Variants in KATNIP observed in about 807,000 individuals in gnomAD.
KATNIP encodes the protein katanin-interacting protein.
KATNIP carries 126 observed loss-of-function variants against 174.0 expected under a neutral mutation model. That is an observed-to-expected ratio of 0.72 (90% CI 0.63 to 0.84). KATNIP has a LOEUF of 0.84. KATNIP is among the 40% of genes least tolerant of loss of function. KATNIP has a pLI of 0.00. For missense variants in KATNIP, 1,958 were observed against 2,109.7 expected (o/e 0.93, Z 1.41); for synonymous variants, 810 against 835.7 (o/e 0.97, Z 0.53).
chr16:27,752,475 A>G (rs1405283626), intron 17 of KATNIP, among the ~76,000 whole-genome samples: 1 of 152,264 alleles, frequency 6.6e-6, no homozygotes, highest in African/African-American at 2.4e-5. Flanking sequence ...CCAAGGGCAC[A>G]TTGTGACAGA....
At position 27,721,716 on chromosome 16, in the gene KATNIP, C is replaced by T. The variant is rs753255315; in HGVS notation, c.1743+21C>T. On this transcript the variant is annotated intron_variant, in intron 14 of 27. Coordinates refer to ENST00000261588, the MANE Select transcript of KATNIP (RefSeq NM_015202.5). ...ATGGCGTAAGTAACAGGCGCTGGTT[C>T]CCCACTGGGCACTGGGTTGATGGAA... 4.3e-6 allele frequency: 7 copies of T among 1,611,042 alleles called. No individual in the cohort carries two copies. In the South Asian group the frequency reaches 7.7e-5, roughly 18 times the overall value.
At chr16:27,573,795 T>G in intron 1 of KATNIP, 106 bp from the exon 2 acceptor site, 1 of 1,004,968 alleles carries the variant, frequency 1.0e-6, no homozygotes, top group Admixed American at 2.0e-5. Flanking sequence ...ATCATTTGAT[T>G]ATGATTGGTC....
chr16:27,694,295 A>G (rs1481971422), intron 8 of KATNIP, among the ~76,000 whole-genome samples: 1 of 152,198 alleles, frequency 6.6e-6, no homozygotes, highest in Non-Finnish European at 1.5e-5. Context: ...GTGCTTCGAC[A>G]GGAGCCCTTA....
intron 1 of KATNIP, among the ~76,000 whole-genome samples, chr16:27,552,377 C>CT (rs1167836198): frequency 0.01 from 1,412 of 135,026 alleles, 10 homozygotes; most frequent in Middle Eastern, 0.027. Flanking sequence ...TTTCTTTTTT[C>CT]TTTTTTTTTT....
At chr16:27,685,224 TA>T (rs2142853452) in intron 8 of KATNIP, 1 of 151,908 alleles carries the variant, frequency 6.6e-6, no homozygotes, top group Non-Finnish European at 1.5e-5. Flanking sequence ...CCATCTCTAC[TA>T]AAACACACAC....
chr16:27,765,931 G>A (rs953593255), intron 19 of KATNIP, among the ~76,000 whole-genome samples: 6 of 151,746 alleles, frequency 4.0e-5, no homozygotes, highest in Admixed American at 1.3e-4. Flanking sequence ...ATCTTGGTTC[G>A]GATAGCCTTT....
chr16:27,666,110 C>T (rs2077672269), intron 6 of KATNIP, among the ~76,000 whole-genome samples: 1 of 152,184 alleles, frequency 6.6e-6, no homozygotes, highest in Admixed American at 6.5e-5. Flanking sequence ...GGCCCACAAA[C>T]CAGGAAAGCA....
At chr16:27,607,594 C>CTTTT (rs33954778) in intron 2 of KATNIP, among the ~76,000 whole-genome samples, 3 of 78,902 alleles carry the variant, frequency 3.8e-5, no homozygotes, top group Non-Finnish European at 7.2e-5. Flanking sequence ...CAGTCAGTGT[C>CTTTT]TTTTTTTTTT....
At chr16:27,694,130 A>G (rs541868722) in intron 8 of KATNIP, among the ~76,000 whole-genome samples, 1 of 152,152 alleles carries the variant, frequency 6.6e-6, no homozygotes, top group South Asian at 2.1e-4. Flanking sequence ...ATAAAAACCT[A>G]CCATCATCCC....
intron 2 of KATNIP, among the ~76,000 whole-genome samples, chr16:27,617,881 C>A (rs1005079744): frequency 6.6e-6 from 1 of 152,066 alleles, no homozygotes; most frequent in Non-Finnish European, 1.5e-5. Flanking sequence ...GGACCACAGG[C>A]ATGCACCACC....
chr16:27,614,441 G>A (rs2075984262), intron 2 of KATNIP, among the ~76,000 whole-genome samples: 2 of 152,038 alleles, frequency 1.3e-5, no homozygotes, highest in Admixed American at 6.6e-5. Flanking sequence ...GATTACAGGC[G>A]TCAGCCACCG....
intron 5 of KATNIP, among the ~76,000 whole-genome samples, chr16:27,648,160 G>T (rs1238764350): frequency 6.6e-6 from 1 of 152,068 alleles, no homozygotes; most frequent in Non-Finnish European, 1.5e-5. Flanking sequence ...CCGCGTGGTG[G>T]CAGGTGCCTG....
chr16:27,555,290 G>C (rs1313198020), intron 1 of KATNIP, among the ~76,000 whole-genome samples: 2 of 152,190 alleles, frequency 1.3e-5, no homozygotes, highest in African/African-American at 4.8e-5. Context: ...TATTCGGCAT[G>C]TCTTAATCAC....
intron 13 of KATNIP, among the ~76,000 whole-genome samples, chr16:27,711,424 G>T (rs1040549226): frequency 6.6e-6 from 1 of 152,184 alleles, no homozygotes; most frequent in Non-Finnish European, 1.5e-5. Context: ...TTTCAGAGAA[G>T]GGAACAAAAT....
chr16:27,777,638 A>G lies in KATNIP; in HGVS notation c.4580A>G (p.Asn1527Ser), dbSNP rs138697665. ...GLLVDDLLVY[N>S]GILAMVSHLV... Reference sequence around the variant, plus strand: ...CTGGTGGACGACCTGCTTGTGTACAATGGGATCCTGGCCATGGTGAGCCAC... The same window carrying G: ...CTGGTGGACGACCTGCTTGTGTACAGTGGGATCCTGGCCATGGTGAGCCAC... The change falls in exon 26 of 28, where the codon AAT becomes AGT. Residue 1527 changes from asparagine (N) to serine (S), a missense_variant. By Grantham distance (46) the Asn-to-Ser change is conservative. Coordinates refer to ENST00000261588, the MANE Select transcript of KATNIP (RefSeq NM_015202.5). The surrounding 1 kb of genome is among the most constrained non-coding windows in gnomAD (Gnocchi z 4.4). The G allele has an allele frequency of 4.9e-5, 79 of 1,613,088 alleles. No homozygotes were observed. The highest frequency in any genetic ancestry group is 3.3e-5 in the Admixed American group (2 of 59,908).
intron 8 of KATNIP, among the ~76,000 whole-genome samples, chr16:27,683,315 A>C (rs2078413637): frequency 6.6e-6 from 1 of 152,220 alleles, no homozygotes; most frequent in Non-Finnish European, 1.5e-5. Flanking sequence ...AAAGTACCAC[A>C]ATCAGAGTGG....
At position 27,707,085 on chromosome 16, in the gene KATNIP, A is replaced by T. The variant is rs138277419; in HGVS notation, c.1390-1620A>T. Among the ~76,000 whole-genome samples the T allele has an allele frequency of 6.2e-3, 940 of 152,190 alleles. 8 individuals are homozygous for T. Among genetic ancestry groups the T allele is most frequent in the African/African-American group, 0.02 (838 of 41,516 alleles). ...CTCCCTCCTCCCTATCCGCGTTCCC[A>T]CCGTGTGGCAATCAAGGCCCCTCCA... is the stretch of plus-strand genomic sequence containing the variant. On this transcript the variant is annotated intron_variant, in intron 12 of 27. Transcript: ENST00000261588.
rs143383750 is a variant in KATNIP at position 27,605,867 on chromosome 16, G to C, written c.64-12558G>C. On this transcript the variant is annotated intron_variant, in intron 2 of 27. Coordinates refer to ENST00000261588, the MANE Select transcript of KATNIP (RefSeq NM_015202.5). Reference sequence around the variant, plus strand: ...GGCTCAGGTCAGGTGCGGTGGCTCAGGCCTGTAATCCCAGCACTTTGGGAG... The same window carrying C: ...GGCTCAGGTCAGGTGCGGTGGCTCACGCCTGTAATCCCAGCACTTTGGGAG... Among the ~76,000 whole-genome samples the C allele has an allele frequency of 2.2e-4, 33 of 152,116 alleles. 1 individual carries two copies. The highest frequency in any genetic ancestry group is 6.5e-4 in the Admixed American group (10 of 15,278).
chr16:27,602,175 G>C (rs1489035962), intron 2 of KATNIP, among the ~76,000 whole-genome samples: 1 of 152,186 alleles, frequency 6.6e-6, no homozygotes, highest in East Asian at 1.9e-4. Flanking sequence ...CAGGCAAGGA[G>C]GGTAGGGGCA....
Sources: gnomAD v4.1 joint callset for allele counts (sites outside exome capture counted in the v4.1 genomes callset) on GRCh38, gnomAD v4.1.1 for gene constraint, Gnocchi (gnomAD v3.1) non-coding constraint, MANE v1.5 for transcripts, NCBI Gene and HGNC (gene_info 2026-07-23, HGNC 2026-07-21) for gene names.